Variants in DLC1 observed in about 807,000 individuals in gnomAD.
The protein encoded by DLC1 is DLC1 Rho GTPase activating protein.
DLC1 carries 54 observed loss-of-function variants against 140.3 expected under a neutral mutation model. That is an observed-to-expected ratio of 0.38 (90% CI 0.31 to 0.48). DLC1 has a LOEUF of 0.48. Among genes scored for constraint, DLC1 ranks in the 20% least tolerant of loss-of-function variants. The pLI is 0.96. For synonymous variants in DLC1, 986 were observed against 728.1 expected (o/e 1.35, Z -5.70); for missense variants, 2,536 against 1,907.0 (o/e 1.33, Z -6.14).
At chr8:13,431,669 G>C (rs534317) in intron 2 of DLC1, among the ~76,000 whole-genome samples, 1 of 148,866 alleles carries the variant, frequency 6.7e-6, no homozygotes, top group Non-Finnish European at 1.5e-5. Context: ...AATGTTCTGA[G>C]AAAAAAGAAA....
chr8:13,495,697 C>A (rs190392803), intron 2 of DLC1, among the ~76,000 whole-genome samples: 2 of 152,010 alleles, frequency 1.3e-5, no homozygotes, highest in African/African-American at 2.4e-5. Flanking sequence ...GTGACTAAAC[C>A]CTGGTAGTCT....
intron 2 of DLC1, among the ~76,000 whole-genome samples, chr8:13,477,749 A>G (rs1800501906): frequency 6.6e-6 from 1 of 152,148 alleles, no homozygotes; most frequent in Non-Finnish European, 1.5e-5. Flanking sequence ...GAAGACACAT[A>G]AATAATATAT....
rs563946283 is a variant in DLC1 at position 13,502,741 on chromosome 8, C to G, written c.-125-2545G>C. On this transcript the variant is annotated intron_variant, in intron 1 of 17. Coordinates refer to ENST00000276297, the MANE Select transcript of DLC1 (RefSeq NM_182643.3). The stretch of plus-strand genomic sequence containing the variant: ...AAATTACATTTCAAAAAACTGACTA[C>G]TTATTTTTCAGATTTCTATTACATT... Among the ~76,000 whole-genome samples the G allele has an allele frequency of 6.7e-5, 10 of 149,428 alleles. No individual in the cohort carries two copies. In the South Asian group the frequency reaches 1.9e-3, roughly 28 times the overall value.
rs536276874 is a variant in DLC1 at position 13,126,796 on chromosome 8, C to G, written c.1349-11139G>C. Among the ~76,000 whole-genome samples, 5 of 152,320 alleles carry G rather than the reference C, an allele frequency of 3.3e-5. No individual in the cohort carries two copies. In the East Asian group the frequency reaches 9.6e-4, roughly 29 times the overall value. ...GCATCTCCCGCAACATTGGCTTTTG[C>G]TTTATAGTTCTGCGATAGCACAGGA... On this transcript the variant is annotated intron_variant, in intron 5 of 17. Transcript: ENST00000276297.
intron 1 of DLC1, among the ~76,000 whole-genome samples, chr8:13,537,964 A>C (rs1803348717): frequency 6.6e-6 from 1 of 152,114 alleles, no homozygotes; most frequent in Non-Finnish European, 1.5e-5. Flanking sequence ...AGCAACAGCT[A>C]ACTCTTGAGA....
intron 5 of DLC1, chr8:13,116,227 G>A (rs1820548605): frequency 1.0e-6 from 1 of 985,346 alleles, no homozygotes. Flanking sequence ...CAAGGAACAT[G>A]GAGGGCACGA....
intron 5 of DLC1, among the ~76,000 whole-genome samples, chr8:13,280,287 C>CAAA (rs55791933): frequency 3.7e-4 from 24 of 65,348 alleles, no homozygotes; most frequent in Non-Finnish European, 4.4e-4. Context: ...GACTCCATCT[C>CAAA]AAAAAAAAAA....
chr8:13,569,746 G>C (rs1804581190), intron 1 of DLC1, among the ~76,000 whole-genome samples: 1 of 152,168 alleles, frequency 6.6e-6, no homozygotes, highest in Non-Finnish European at 1.5e-5. Flanking sequence ...TATTGAGACA[G>C]GGTCTGGCTC....
chr8:13,290,744 A>G (rs78404207), intron 5 of DLC1, among the ~76,000 whole-genome samples: 6,645 of 152,234 alleles, frequency 0.044, 192 homozygotes, highest in South Asian at 0.068. Flanking sequence ...ACATCTGGAG[A>G]TGATATAAAA....
At chr8:13,555,345 G>A (rs1057063427) in intron 1 of DLC1, among the ~76,000 whole-genome samples, 5 of 151,712 alleles carry the variant, frequency 3.3e-5, no homozygotes, top group Non-Finnish European at 7.4e-5. Context: ...TTTTAATAAG[G>A]TATTTCAAAT....
At chr8:13,459,445 C>T (rs1459954360) in intron 2 of DLC1, among the ~76,000 whole-genome samples, 1 of 152,082 alleles carries the variant, frequency 6.6e-6, no homozygotes, top group Non-Finnish European at 1.5e-5. Flanking sequence ...GGTTTTTTCC[C>T]TCTCCTTCCT....
chr8:13,200,555 C>T lies in DLC1; in HGVS notation c.1349-84898G>A, dbSNP rs147282120. Among the ~76,000 whole-genome samples the T allele has an allele frequency of 9.1e-4, 138 of 152,164 alleles. 1 individual carries two copies. The highest frequency in any genetic ancestry group is 6.8e-3 in the Middle Eastern group (2 of 294). ...TCTTTCCTAAATAGAACTTTGTACA[C>T]GATCACTGTCTACGAGACTGATTAC... On this transcript the variant is annotated intron_variant, in intron 5 of 17. Coordinates refer to ENST00000276297, the MANE Select transcript of DLC1 (RefSeq NM_182643.3).
intron 5 of DLC1, among the ~76,000 whole-genome samples, chr8:13,269,701 C>CA (rs57030004): frequency 0.073 from 7,141 of 98,116 alleles, 620 homozygotes; most frequent in African/African-American, 0.2. Flanking sequence ...AAAACTCTGT[C>CA]AAAAAAAAAA....
intron 5 of DLC1, among the ~76,000 whole-genome samples, chr8:13,206,626 A>G (rs1827675646): frequency 6.6e-6 from 1 of 152,200 alleles, no homozygotes. Context: ...ATAACATTGC[A>G]AAATTAATAA....
chr8:13,092,442 A>G (rs938344945), intron 13 of DLC1, among the ~76,000 whole-genome samples, 170 bp downstream of exon 13: 1 of 152,212 alleles, frequency 6.6e-6, no homozygotes, highest in African/African-American at 2.4e-5. Flanking sequence ...ATGCACGCCA[A>G]CAGACCAGTC....
intron 1 of DLC1, among the ~76,000 whole-genome samples, chr8:13,582,570 A>G (rs1019665186): frequency 1.3e-5 from 2 of 152,098 alleles, no homozygotes; most frequent in Admixed American, 6.5e-5. Flanking sequence ...ACCCTTGAAC[A>G]TCAGACTCAA....
Position 13,342,220 on chromosome 8 carries a change from C to T in DLC1, c.1315-36918G>A, listed in dbSNP as rs144090521. ...TAATAGGAACTACTTTATTTACAAA[C>T]TATTCAATGCTTACACTGAAAAACA... On this transcript the variant is annotated intron_variant, in intron 4 of 17. Transcript: ENST00000276297. The T allele has an allele frequency of 1.3e-4, 20 of 152,262 alleles. 1 individual carries two copies. Among genetic ancestry groups the T allele is most frequent in the South Asian group, 8.3e-4 (4 of 4,828 alleles). The allele number at this position is 152,262 out of a possible 1,614,324, so 9.4% of individuals were successfully genotyped here.
intron 5 of DLC1, among the ~76,000 whole-genome samples, chr8:13,172,101 A>G (rs1451495417): frequency 6.6e-6 from 1 of 152,248 alleles, no homozygotes; most frequent in African/African-American, 2.4e-5. Flanking sequence ...TATTCTTACG[A>G]TAACAAAACA....
rs373513588 is a variant in DLC1, at chr8:13,184,665, A to T, written c.1349-69008T>A. Among the ~76,000 whole-genome samples, 33 of 152,282 alleles carry T rather than the reference A, an allele frequency of 2.2e-4. No individual in the cohort carries two copies. In the East Asian group the frequency reaches 3.5e-3, roughly 16 times the overall value. On this transcript the variant is annotated intron_variant, in intron 5 of 17. Transcript: ENST00000276297. ...TTGACTGTACTGTGGTCTGAGAGAC[A>T]GTTTGTTGTGATTTCTGTTCTTTAC...
Sources: gnomAD v4.1 joint callset for allele counts (sites outside exome capture counted in the v4.1 genomes callset) on GRCh38, gnomAD v4.1.1 for gene constraint, MANE v1.5 for transcripts, NCBI Gene and HGNC (gene_info 2026-07-23, HGNC 2026-07-21) for gene names.